Variants in BMP3 observed in about 807,000 individuals in gnomAD.
BMP3 encodes bone morphogenetic protein 3.
A neutral mutation model predicts 38.1 loss-of-function variants in BMP3; 23 were observed. The ratio of observed to expected loss-of-function variants is 0.60; its 90% CI spans 0.43 to 0.86. The LOEUF (loss-of-function observed/expected upper bound fraction) is 0.86, where lower values mean the gene tolerates loss of function less well. Ranked by LOEUF, BMP3 falls within the 40% of genes least tolerant of loss-of-function variation. BMP3 has a pLI of 0.00. For synonymous variants in BMP3, 258 were observed against 225.7 expected, an observed-to-expected ratio of 1.14 and a Z score of -1.28; for missense variants, 628 against 579.6, an observed-to-expected ratio of 1.08 and a Z score of -0.86.
At chr4:81,038,762 G>A (rs754864394) in intron 1 of BMP3, among the ~76,000 whole-genome samples, 1 of 152,186 alleles carries the variant, frequency 6.6e-6, no homozygotes, top group East Asian at 1.9e-4. Context: ...AGTTTAGAGA[G>A]TTGTTCATTC....
chr4:81,035,911 A>G (rs1056764240), intron 1 of BMP3, among the ~76,000 whole-genome samples: 4 of 151,982 alleles, frequency 2.6e-5, no homozygotes, highest in Admixed American at 1.3e-4. Context: ...TAAGATGTCT[A>G]GTTGGGAAAA....
In BMP3 at chr4:81,055,556, G is replaced by C. The variant is rs1740531026; in HGVS notation, c.*2020G>C. 1 of 152,154 alleles carries C rather than the reference G, an allele frequency of 6.6e-6. No individual in the cohort carries two copies. 9.4% of individuals were successfully genotyped at this position (152,154 alleles called of 1,614,324 possible). ...GTATATGATAGAAGGGGGCCAGAGT[G>C]TGGCCACCATCCTGATCGTACTGTT... On this transcript the variant is annotated 3_prime_UTR_variant, in exon 3 of 3. Coordinates refer to ENST00000282701, the MANE Select transcript of BMP3 (RefSeq NM_001201.5).
chr4:81,036,171 A>T (rs992442442), intron 1 of BMP3, among the ~76,000 whole-genome samples: 1 of 152,046 alleles, frequency 6.6e-6, no homozygotes, highest in East Asian at 1.9e-4. Flanking sequence ...TGTTTCACAC[A>T]GGTATTATGC....
chr4:81,046,328 C>T lies in BMP3; in HGVS notation c.907C>T (p.Pro303Ser). The T allele has an allele frequency of 6.2e-7, 1 of 1,614,014 alleles. No homozygotes were observed. Among genetic ancestry groups the T allele is most frequent in the Non-Finnish European group, 8.5e-7 (1 of 1,180,020 alleles). ...GCTGCCTCTGCAGAACAACGAGCTT[C>T]CTGGGGCAGAATACCAGTATAAAAA... ...VLLPLQNNEL[P>S]GAEYQYKKDE... The change falls in exon 2 of 3, where the codon CCT (proline) becomes TCT (serine). Residue 303 changes from proline (P) to serine (S), a missense_variant. Pro to Ser is a moderately conservative substitution (Grantham distance 74). Transcript: ENST00000282701.
At chr4:81,039,771 A>C (rs993683361) in intron 1 of BMP3, among the ~76,000 whole-genome samples, 17 of 152,156 alleles carry the variant, frequency 1.1e-4, no homozygotes, top group Admixed American at 1.0e-3. Context: ...GCTCATGCAT[A>C]TAAAAAAAGC....
intron 1 of BMP3, 127 bp downstream of exon 1, chr4:81,031,727 G>A: frequency 1.7e-6 from 2 of 1,170,258 alleles, no homozygotes; most frequent in East Asian, 5.2e-5. Flanking sequence ...GCCCTCCTCA[G>A]CTGCCCTCTG....
intron 1 of BMP3, among the ~76,000 whole-genome samples, chr4:81,034,871 G>C (rs1265030850): frequency 6.6e-6 from 1 of 152,102 alleles, no homozygotes; most frequent in Non-Finnish European, 1.5e-5. Flanking sequence ...ATAACTAAGT[G>C]TTGAATGATC....
chr4:81,034,512 A>G (rs989994289), intron 1 of BMP3, among the ~76,000 whole-genome samples: 6 of 152,206 alleles, frequency 3.9e-5, no homozygotes, highest in African/African-American at 1.4e-4. Context: ...TCACTTTCTC[A>G]TGACTCCCAT....
intron 2 of BMP3, among the ~76,000 whole-genome samples, chr4:81,049,469 C>T (rs1419854133): frequency 6.6e-6 from 1 of 152,144 alleles, no homozygotes; most frequent in African/African-American, 2.4e-5. Context: ...GGCATCAGAA[C>T]TCCAGGGAGA....
Position 81,056,339 on chromosome 4 carries a change from T to G in BMP3, c.*2803T>G, listed in dbSNP as rs983997616. The stretch of plus-strand genomic sequence containing the variant: ...GTCAGTTACTGAAAAAAATAATTCT[T>G]TTTCTTTTTTTTTTTAAATGGAGTT... On this transcript the variant is annotated 3_prime_UTR_variant, in exon 3 of 3. Transcript: ENST00000282701. 2 of 151,754 alleles carry G rather than the reference T, an allele frequency of 1.3e-5. No homozygotes were observed. The highest frequency in any genetic ancestry group is 4.8e-5 in the African/African-American group (2 of 41,296). The allele number at this position is 151,754 out of a possible 1,614,324, so 9.4% of individuals were successfully genotyped here.
chr4:81,050,638 C>A (rs1382417316), intron 2 of BMP3, among the ~76,000 whole-genome samples: 1 of 151,806 alleles, frequency 6.6e-6, no homozygotes, highest in African/African-American at 2.4e-5. Context: ...ACATTTAATG[C>A]GTTCAAAATG....
chr4:81,037,793 T>C (rs1739960681), intron 1 of BMP3, among the ~76,000 whole-genome samples: 1 of 152,114 alleles, frequency 6.6e-6, no homozygotes, highest in South Asian at 2.1e-4. Flanking sequence ...GTCCTGACCA[T>C]GGTGGCTGAG....
rs1457857196 is a variant in BMP3 at position 81,053,632 on chromosome 4, T to A, written c.*96T>A. 14 of 571,334 alleles carry A rather than the reference T, an allele frequency of 2.5e-5. No individual in the cohort carries two copies. The South Asian group carries it at 5.0e-4, about 21-fold the overall frequency. The allele number at this position is 571,334 out of a possible 1,614,324, so 35.4% of individuals were successfully genotyped here. A position where few individuals can be genotyped will look rare whatever the true frequency, so the allele number is the denominator to read the frequency against. ...TTTTTTTTTTTTTTTGCACTGCCAA[T>A]GCATTTTGTTTCAAAAGATTATTTC... is the stretch of plus-strand genomic sequence containing the variant. On this transcript the variant is annotated 3_prime_UTR_variant, in exon 3 of 3. Coordinates refer to ENST00000282701, the MANE Select transcript of BMP3 (RefSeq NM_001201.5).
At chr4:81,041,282 C>G (rs1440801453) in intron 1 of BMP3, among the ~76,000 whole-genome samples, 1 of 152,150 alleles carries the variant, frequency 6.6e-6, no homozygotes, top group Non-Finnish European at 1.5e-5. Context: ...TTTTTTTCAT[C>G]CATTGTAAAT....
chr4:81,052,611 G>A (rs993327763), intron 2 of BMP3, among the ~76,000 whole-genome samples: 2 of 152,080 alleles, frequency 1.3e-5, no homozygotes, highest in African/African-American at 4.8e-5. Flanking sequence ...CCCACTCTTA[G>A]AACACAACTC....
At position 81,046,415 on chromosome 4, in the gene BMP3, A is replaced by C. The variant is rs1158436877; in HGVS notation, c.994A>C (p.Ser332Arg). 2 of 1,613,780 alleles carry C rather than the reference A, an allele frequency of 1.2e-6. No homozygotes were observed. Among genetic ancestry groups the C allele is most frequent in the East Asian group, 4.5e-5 (2 of 44,866 alleles). ...KTLQAQAPEK[S>R]KNKKKQRKGP... ...CCTTCAGGCTCAGGCCCCTGAAAAG[A>C]GTAAGAATAAAAAGAAACAGAGAAA... The change falls in exon 2 of 3, where the codon AGT (serine) becomes CGT (arginine). Residue 332 changes from serine (S) to arginine (R), a missense_variant. By Grantham distance (110) the Ser-to-Arg change is moderately radical. Coordinates refer to ENST00000282701, the MANE Select transcript of BMP3 (RefSeq NM_001201.5).
chr4:81,051,012 T>C (rs947260706), intron 2 of BMP3, among the ~76,000 whole-genome samples: 4 of 60,066 alleles, frequency 6.7e-5, no homozygotes, highest in South Asian at 8.9e-4. Context: ...GAGGATTTCA[T>C]AGTGAGAAAA....
At chr4:81,039,523 C>A (rs1377496168) in intron 1 of BMP3, among the ~76,000 whole-genome samples, 1 of 152,166 alleles carries the variant, frequency 6.6e-6, no homozygotes, top group African/African-American at 2.4e-5. Context: ...AATAGCATGG[C>A]TGGCCTTAAG....
chr4:81,031,233 G>C lies in BMP3; in HGVS notation c.-52G>C. On this transcript the variant is annotated 5_prime_UTR_variant, in exon 1 of 3. Transcript: ENST00000282701. ...TCCGCCGCCGGCTCCTTGCGCCTTC[G>C]GAGTGTCCCGCAGCGACGCCGGGAG... is the stretch of plus-strand genomic sequence containing the variant. The C allele has an allele frequency of 1.3e-6, 2 of 1,501,416 alleles. No individual in the cohort carries two copies. The highest frequency in any genetic ancestry group is 2.4e-5 in the East Asian group (1 of 40,922). The allele number at this position is 1,501,416 out of a possible 1,614,324, so 93.0% of individuals were successfully genotyped here.
Sources: allele counts gnomAD v4.1 joint callset (sites outside exome capture counted in the v4.1 genomes callset), GRCh38; gene constraint gnomAD v4.1.1; transcripts MANE v1.5; gene names NCBI Gene and HGNC (gene_info 2026-07-23, HGNC 2026-07-21).